Variants in AOPEP observed in about 807,000 individuals in gnomAD.
The protein encoded by AOPEP is aminopeptidase O (putative), also known as aminopeptidase O.
AOPEP carries 77 observed loss-of-function variants against 98.1 expected under a neutral mutation model. The observed-to-expected ratio is 0.78, with a 90% CI of 0.65 to 0.95. The LOEUF is 0.95. AOPEP is among the 40% of genes least tolerant of loss of function. The probability of loss-of-function intolerance (pLI) is 0.00; values close to 1 mark genes in which losing one functional copy is unlikely to be tolerated. For missense variants in AOPEP, 1,024 were observed against 1,024.7 expected (o/e 1.00, Z 0.01); for synonymous variants, 346 against 365.3 (o/e 0.95, Z 0.60).
At chr9:95,006,435 T>C (rs2062026892) in intron 13 of AOPEP, among the ~76,000 whole-genome samples, 2 of 152,330 alleles carry the variant, frequency 1.3e-5, no homozygotes, top group Admixed American at 6.5e-5. Flanking sequence ...AAATTCTTGC[T>C]GATAGCATTG....
In AOPEP at chr9:95,085,947, C is replaced by T. The variant is rs943227183; in HGVS notation, c.*5-735C>T. On this transcript the variant is annotated intron_variant, in intron 16 of 16. Transcript: ENST00000375315. ...ATTTGCAGTCCAGGCCTTCGCGTCT[C>T]CTGCGCCAGCAGACGGTGCCCACGG... is the stretch of plus-strand genomic sequence containing the variant. 5.3e-6 allele frequency: 7 copies of T among 1,333,038 alleles called. No individual in the cohort carries two copies. The African/African-American group carries it at 9.0e-5, about 17-fold the overall frequency. The allele number at this position is 1,333,038 out of a possible 1,614,324, so 82.6% of individuals were successfully genotyped here.
intron 2 of AOPEP, among the ~76,000 whole-genome samples, chr9:94,767,620 T>C (rs892886434): frequency 2.0e-5 from 3 of 152,216 alleles, no homozygotes; most frequent in Non-Finnish European, 4.4e-5. Context: ...CTCCAGATTT[T>C]TTCCATGTAC....
At chr9:94,832,603 C>G (rs575878491) in intron 5 of AOPEP, among the ~76,000 whole-genome samples, 41 of 152,228 alleles carry the variant, frequency 2.7e-4, no homozygotes, top group African/African-American at 9.6e-4. Context: ...TAGCAAAAGA[C>G]TAGAAACAAC....
At chr9:94,790,082 A>G (rs1014609404) in intron 3 of AOPEP, among the ~76,000 whole-genome samples, 5 of 150,468 alleles carry the variant, frequency 3.3e-5, no homozygotes, top group African/African-American at 9.8e-5. Context: ...TCACCGTGTT[A>G]GCCAGGATGG....
At chr9:94,960,113 G>A (rs1407422164) in intron 9 of AOPEP, among the ~76,000 whole-genome samples, 1 of 152,054 alleles carries the variant, frequency 6.6e-6, no homozygotes, top group East Asian at 1.9e-4. Flanking sequence ...ATTCACTACT[G>A]TAAAAGATGA....
intron 5 of AOPEP, among the ~76,000 whole-genome samples, chr9:94,841,364 G>A (rs1021798826): frequency 4.6e-5 from 7 of 152,058 alleles, no homozygotes; most frequent in African/African-American, 1.4e-4. Context: ...AGTAGAGATG[G>A]GGTTTCACCG....
chr9:94,899,228 A>G (rs1249483814), intron 5 of AOPEP, among the ~76,000 whole-genome samples: 11 of 101,458 alleles, frequency 1.1e-4, no homozygotes, highest in South Asian at 3.8e-4. Context: ...TCTGTTGCCC[A>G]GGCTGGAGTG....
At chr9:94,986,154 T>C (rs369163117) in intron 11 of AOPEP, among the ~76,000 whole-genome samples, 1 of 152,190 alleles carries the variant, frequency 6.6e-6, no homozygotes, top group African/African-American at 2.4e-5. Flanking sequence ...TGGTTTCTGG[T>C]GAGGCCTCTC....
At chr9:95,053,824 A>G (rs2066596376) in intron 13 of AOPEP, among the ~76,000 whole-genome samples, 1 of 152,074 alleles carries the variant, frequency 6.6e-6, no homozygotes, top group Non-Finnish European at 1.5e-5. Context: ...GGCTCAGATG[A>G]TCCTCCCACT....
chr9:94,793,770 T>C (rs758799336), intron 4 of AOPEP, among the ~76,000 whole-genome samples: 2 of 152,132 alleles, frequency 1.3e-5, no homozygotes, highest in Non-Finnish European at 2.9e-5. Flanking sequence ...AAGGTAAGTA[T>C]ATATGAAATC....
Position 94,857,856 on chromosome 9 carries a change from A to G in AOPEP, c.1364+56854A>G, listed in dbSNP as rs1193193199. Among the ~76,000 whole-genome samples the G allele has an allele frequency of 4.6e-5, 7 of 152,340 alleles. No individual in the cohort carries two copies. The South Asian group carries it at 1.4e-3, about 32-fold the overall frequency. On this transcript the variant is annotated intron_variant, in intron 5 of 16. Transcript: ENST00000375315. ...CACAGATCTCTGTGGATCCAAAAACATTTTGGAAGCTATGTTAAGACATCA... is the reference window on the plus strand; with the variant it reads ...CACAGATCTCTGTGGATCCAAAAACGTTTTGGAAGCTATGTTAAGACATCA...
chr9:94,760,059 T>G lies in AOPEP; in HGVS notation c.276T>G (p.Ser92=). The G allele has an allele frequency of 1.9e-6, 3 of 1,614,222 alleles. No individual in the cohort carries two copies. Among genetic ancestry groups the G allele is most frequent in the Non-Finnish European group, 2.5e-6 (3 of 1,180,042 alleles). The change falls in exon 2 of 17, where the codon TCT becomes TCG. Residue 92 remains serine, a synonymous_variant. Transcript: ENST00000375315. The part of the protein sequence containing the change: ...IPVTNARTFS[S]EMEYNDFAIC... Reference sequence around the variant, plus strand: ...TGACAAATGCAAGGACCTTCTCATCTGAAATGGAATATAATGATTTTGCAA... The same window carrying G: ...TGACAAATGCAAGGACCTTCTCATCGGAAATGGAATATAATGATTTTGCAA...
intron 5 of AOPEP, among the ~76,000 whole-genome samples, chr9:94,847,659 G>A (rs2043030052): frequency 6.6e-6 from 1 of 152,160 alleles, no homozygotes; most frequent in African/African-American, 2.4e-5. Context: ...TAATGGGTTG[G>A]GAGATTTAGG....
intron 5 of AOPEP, among the ~76,000 whole-genome samples, chr9:94,842,334 T>A (rs1485216094): frequency 6.6e-6 from 1 of 151,964 alleles, no homozygotes; most frequent in African/African-American, 2.4e-5. Context: ...TTACTCCAGC[T>A]TGGGGGACAA....
chr9:94,978,659 T>C (rs2059994914), intron 10 of AOPEP, among the ~76,000 whole-genome samples: 1 of 152,082 alleles, frequency 6.6e-6, no homozygotes, highest in Non-Finnish European at 1.5e-5. Context: ...GGGATGGGTG[T>C]GCTTTAAGCT....
At chr9:94,861,715 G>A (rs905015548) in intron 5 of AOPEP, among the ~76,000 whole-genome samples, 2 of 152,182 alleles carry the variant, frequency 1.3e-5, no homozygotes, top group Non-Finnish European at 2.9e-5. Flanking sequence ...CCCAACCCCC[G>A]ATATAAAACC....
intron 5 of AOPEP, among the ~76,000 whole-genome samples, chr9:94,901,861 A>T (rs911081160): frequency 6.6e-6 from 1 of 152,128 alleles, no homozygotes; most frequent in Non-Finnish European, 1.5e-5. Flanking sequence ...GTGAGCTGAG[A>T]TCGCGCCACT....
chr9:95,112,395 C>T, the AOPEP span, among the ~76,000 whole-genome samples: 3 of 152,168 alleles, frequency 2.0e-5, no homozygotes, highest in Non-Finnish European at 2.9e-5. Flanking sequence ...TGTTCCTCTG[C>T]CTGGCCCATG....
At chr9:95,054,726 A>G (rs994922403) in intron 13 of AOPEP, among the ~76,000 whole-genome samples, 1 of 152,210 alleles carries the variant, frequency 6.6e-6, no homozygotes, top group African/African-American at 2.4e-5. Flanking sequence ...TCTAATAAAT[A>G]TGCTTTTCTT....
Sources: gnomAD v4.1 joint callset for allele counts (sites outside exome capture counted in the v4.1 genomes callset) on GRCh38, gnomAD v4.1.1 for gene constraint, MANE v1.5 for transcripts, NCBI Gene and HGNC (gene_info 2026-07-23, HGNC 2026-07-21) for gene names.